Variants in AVL9 observed in about 807,000 individuals in gnomAD.
AVL9 encodes the protein AVL9 cell migration associated, also known as late secretory pathway protein AVL9 homolog.
AVL9 carries 49 observed loss-of-function variants against 79.2 expected under a neutral mutation model. That is an observed-to-expected ratio of 0.62 (90% CI 0.49 to 0.79). AVL9 has a LOEUF of 0.79. Among genes scored for constraint, AVL9 ranks in the 30% least tolerant of loss-of-function variants. AVL9 has a pLI of 0.00. For synonymous variants in AVL9, 299 were observed against 280.6 expected (o/e 1.07, Z -0.65); for missense variants, 682 against 776.8 (o/e 0.88, Z 1.45).
In AVL9 at chr7:32,555,755, G is replaced by A. The variant is rs868086591; in HGVS notation, c.609+1159G>A. Among the ~76,000 whole-genome samples, 49 of 152,286 alleles carry A rather than the reference G, an allele frequency of 3.2e-4. 2 individuals are homozygous for A. The highest frequency in any genetic ancestry group is 6.8e-3 in the Middle Eastern group (2 of 294). ...TGGATCTGGGCCAGTTTTATACACC[G>A]TATTACTGTGCCTAGTGGAGTCGGG... On this transcript the variant is annotated intron_variant, in intron 8 of 15. Transcript: ENST00000318709.
At chr7:32,577,688 CTATA>C (rs1200983032) in intron 13 of AVL9, among the ~76,000 whole-genome samples, 1 of 152,076 alleles carries the variant, frequency 6.6e-6, no homozygotes, top group Non-Finnish European at 1.5e-5. Context: ...TGAACCAGCT[CTATA>C]GATGTTAGTG....
intron 1 of AVL9, chr7:32,536,002 A>T (rs1788888990): frequency 6.6e-6 from 1 of 152,170 alleles, no homozygotes; most frequent in Non-Finnish European, 1.5e-5. Flanking sequence ...TTCCGCCATG[A>T]TTATAAGTTT....
intron 6 of AVL9, among the ~76,000 whole-genome samples, chr7:32,553,125 A>C (rs1789909105): frequency 6.6e-6 from 1 of 152,176 alleles, no homozygotes; most frequent in Admixed American, 6.6e-5. Flanking sequence ...GTGTAATGTA[A>C]ACTATTATTC....
intron 1 of AVL9, among the ~76,000 whole-genome samples, chr7:32,505,129 T>G (rs1277160795): frequency 6.6e-6 from 1 of 150,790 alleles, no homozygotes; most frequent in Non-Finnish European, 1.5e-5. Flanking sequence ...CAACCTTGGC[T>G]TCCCAAAGTG....
In AVL9 at chr7:32,548,868, G is replaced by C; in HGVS notation, c.322G>C (p.Asp108His). The change falls in exon 4 of 16, where the codon GAT becomes CAT. Residue 108 changes from aspartate (D) to histidine (H), a missense_variant. By Grantham distance (81) the Asp-to-His change is moderately conservative. Coordinates refer to ENST00000318709, the MANE Select transcript of AVL9 (RefSeq NM_015060.3). ...EAKALKVRQADITRETVQKSV... is the reference protein window; with the variant it reads ...EAKALKVRQAHITRETVQKSV... ...ATAGGCACTGAAAGTAAGGCAAGCAGATATCACCAGAGAGACTGTTCAGAA... is the reference window on the plus strand; with the variant it reads ...ATAGGCACTGAAAGTAAGGCAAGCACATATCACCAGAGAGACTGTTCAGAA... 6.3e-7 allele frequency: 1 copy of C among 1,578,376 alleles called. No homozygotes were observed. Among genetic ancestry groups the C allele is most frequent in the Non-Finnish European group, 8.6e-7 (1 of 1,164,344 alleles).
chr7:32,498,497 G>A (rs756109390), intron 1 of AVL9, among the ~76,000 whole-genome samples: 1 of 151,954 alleles, frequency 6.6e-6, no homozygotes, highest in African/African-American at 2.4e-5. Context: ...TGATCCACCC[G>A]CCTTGGCCTC....
chr7:32,503,363 T>C (rs9769760), intron 1 of AVL9, among the ~76,000 whole-genome samples: 3 of 100,310 alleles, frequency 3.0e-5, no homozygotes, highest in Non-Finnish European at 5.9e-5. Flanking sequence ...TATAGAGAGA[T>C]ATATATATAT....
intron 2 of AVL9, among the ~76,000 whole-genome samples, chr7:32,544,369 G>GT (rs1789370956): frequency 6.6e-6 from 1 of 152,074 alleles, no homozygotes; most frequent in Non-Finnish European, 1.5e-5. Context: ...TTCAAGGTTC[G>GT]TGTGTTGCTG....
In AVL9 at chr7:32,573,226, G is replaced by A; in HGVS notation, c.1378G>A (p.Asp460Asn). Residue 460 changes from aspartate to asparagine, a missense_variant, in exon 12 of 16, where the codon GAT becomes AAT. Asp to Asn is a conservative substitution (Grantham distance 23, BLOSUM62 1). Coordinates refer to ENST00000318709, the MANE Select transcript of AVL9 (RefSeq NM_015060.3). ...EVEEALIQIH[D>N]PELRKLLNPT... is the part of the protein sequence containing the mutation. ...AGAAGAAGCTCTGATCCAGATCCAT[G>A]ATCCAGAACTCAGGAAGCTGCTTAA... 1 of 1,613,950 alleles carries A rather than the reference G, an allele frequency of 6.2e-7. No individual in the cohort carries two copies. The highest frequency in any genetic ancestry group is 1.7e-5 in the Admixed American group (1 of 59,960).
intron 1 of AVL9, chr7:32,533,392 T>A (rs1289352783): frequency 1.3e-5 from 2 of 152,248 alleles, no homozygotes; most frequent in Non-Finnish European, 2.9e-5. Flanking sequence ...ACTTTATATT[T>A]CTGAACATCT....
chr7:32,519,032 T>C (rs1296543114), intron 1 of AVL9, among the ~76,000 whole-genome samples: 2 of 152,238 alleles, frequency 1.3e-5, no homozygotes, highest in Non-Finnish European at 2.9e-5. Context: ...CTTTTGGTTC[T>C]GCTTTTGTCT....
At chr7:32,507,194 C>T (rs898829467) in intron 1 of AVL9, among the ~76,000 whole-genome samples, 2 of 152,114 alleles carry the variant, frequency 1.3e-5, no homozygotes, top group Non-Finnish European at 2.9e-5. Flanking sequence ...CCCAGAATCA[C>T]AACTTGTCAG....
intron 1 of AVL9, among the ~76,000 whole-genome samples, chr7:32,527,216 CATAA>C (rs1202420151): frequency 6.6e-5 from 10 of 152,218 alleles, no homozygotes; most frequent in African/African-American, 2.2e-4. Flanking sequence ...CCACTTCAGC[CATAA>C]ATAATTTCCT....
chr7:32,573,519 A>G (rs561829479), intron 12 of AVL9, 101 bp downstream of exon 12: 1 of 1,067,766 alleles, frequency 9.4e-7, no homozygotes, highest in South Asian at 1.6e-5. Context: ...CATATTCCTT[A>G]TAGAAAAATT....
At chr7:32,548,544 T>C (rs1789642388) in intron 3 of AVL9, among the ~76,000 whole-genome samples, 1 of 152,150 alleles carries the variant, frequency 6.6e-6, no homozygotes. Context: ...TTGATTTGCA[T>C]TGAATGGCTG....
chr7:32,526,742 G>A (rs1448621912), intron 1 of AVL9, among the ~76,000 whole-genome samples: 4 of 152,022 alleles, frequency 2.6e-5, no homozygotes, highest in Non-Finnish European at 5.9e-5. Flanking sequence ...GAGTCCCAGC[G>A]GTTTCATACA....
In AVL9 at chr7:32,571,885, C is replaced by T. The variant is rs192861804; in HGVS notation, c.1351-1314C>T. The stretch of plus-strand genomic sequence containing the variant: ...AATAAGACATTCTAAAGTATCTGGC[C>T]GGGCACAGTGGCTCACGCCTGTAAT... On this transcript the variant is annotated intron_variant, in intron 11 of 15. Transcript: ENST00000318709. 1.4e-3 allele frequency among the ~76,000 whole-genome samples: 214 copies of T among 152,044 alleles called. 1 individual carries two copies. The highest frequency in any genetic ancestry group is 2.5e-3 in the African/African-American group (103 of 41,502).
chr7:32,564,268 G>A (rs547774530), intron 10 of AVL9, among the ~76,000 whole-genome samples: 1 of 152,158 alleles, frequency 6.6e-6, no homozygotes, highest in East Asian at 1.9e-4. Flanking sequence ...TGTCTTTTTG[G>A]TTTTATGTTT....
chr7:32,544,730 A>G lies in AVL9; in HGVS notation c.251A>G (p.Asn84Ser), dbSNP rs1789393595. 1 of 1,613,948 alleles carries G rather than the reference A, an allele frequency of 6.2e-7. No homozygotes were observed. The highest frequency in any genetic ancestry group is 1.1e-5 in the South Asian group (1 of 91,062). ...TTTCACTTGCCACCCAGAAATGGAA[A>G]TGGAGCCACAGTATTTGGTATCTCT... ...VFFHLPPRNG[N>S]GATVFGISCY... Residue 84 changes from asparagine (N) to serine (S), a missense_variant, in exon 3 of 16, where the codon AAT becomes AGT. Physicochemically the swap from Asn to Ser is conservative, Grantham distance 46 (BLOSUM62 1). Coordinates refer to ENST00000318709, the MANE Select transcript of AVL9 (RefSeq NM_015060.3).
Sources: gnomAD v4.1 joint callset for allele counts (sites outside exome capture counted in the v4.1 genomes callset) on GRCh38, gnomAD v4.1.1 for gene constraint, MANE v1.5 for transcripts, NCBI Gene and HGNC (gene_info 2026-07-23, HGNC 2026-07-21) for gene names.